Variants in MAK observed in about 807,000 individuals in gnomAD.
MAK encodes serine/threonine-protein kinase MAK.
In MAK, 65 loss-of-function variants were observed where a neutral mutation model predicts 82.6. That is an observed-to-expected ratio of 0.79 (90% CI 0.64 to 0.97). The LOEUF is 0.97. Among genes scored for constraint, MAK ranks in the 50% least tolerant of loss-of-function variants. MAK has a pLI of 0.00. For missense variants in MAK, 703 were observed against 780.2 expected, an observed-to-expected ratio of 0.90 and a Z score of 1.18; for synonymous variants, 250 against 274.2, an observed-to-expected ratio of 0.91 and a Z score of 0.87.
At chr6:10,821,318 C>T (rs1214374985) in intron 2 of MAK, among the ~76,000 whole-genome samples, 2 of 151,948 alleles carry the variant, frequency 1.3e-5, no homozygotes, top group African/African-American at 4.8e-5. Flanking sequence ...CTCTGTCACC[C>T]AGGCTGGACT....
At chr6:10,828,964 T>A (rs1328812533) in intron 2 of MAK, 3 of 152,166 alleles carry the variant, frequency 2.0e-5, no homozygotes. Context: ...AGGAAATAAA[T>A]CTCTGTTGTT....
chr6:10,780,277 G>A, intron 11 of MAK: 1 of 981,794 alleles, frequency 1.0e-6, no homozygotes, highest in Non-Finnish European at 1.2e-6. Context: ...AGTTAAAAAG[G>A]AAATGATCAA....
At chr6:10,836,126 T>C (rs1344225511) in intron 1 of MAK, among the ~76,000 whole-genome samples, 1 of 152,002 alleles carries the variant, frequency 6.6e-6, no homozygotes, top group African/African-American at 2.4e-5. Flanking sequence ...TGTACTTATA[T>C]TGAGGGAAGA....
Position 10,791,737 on chromosome 6 carries a change from G to C in MAK, c.1254C>G (p.Ser418=). The change falls in exon 10 of 15, where the codon TCC becomes TCG. Residue 418 remains serine, a synonymous_variant. Coordinates refer to ENST00000354489, the MANE Select transcript of MAK (RefSeq NM_001242957.3). ...CACCCATGCTTGGCTTCTTGGAATG[G>C]GAGGCTCCGAAATCATAGTCCTCCA... ...EELEDYDFGA[S]HSKKPSMGVF... 6.2e-7 allele frequency: 1 copy of C among 1,613,968 alleles called. No homozygotes were observed. Among genetic ancestry groups the C allele is most frequent in the Non-Finnish European group, 8.5e-7 (1 of 1,179,968 alleles).
At chr6:10,827,060 G>A (rs1216424977) in intron 2 of MAK, among the ~76,000 whole-genome samples, 1 of 152,130 alleles carries the variant, frequency 6.6e-6, no homozygotes, top group East Asian at 1.9e-4. Flanking sequence ...GTGGTGAGCT[G>A]AGATCGCGCC....
chr6:10,783,543 A>G (rs139507028), intron 11 of MAK, among the ~76,000 whole-genome samples: 2 of 152,222 alleles, frequency 1.3e-5, no homozygotes, highest in Non-Finnish European at 1.5e-5. Flanking sequence ...CACAAGTCCT[A>G]TTGGTTCCAG....
intron 6 of MAK, among the ~76,000 whole-genome samples, chr6:10,805,772 T>C (rs1208858346): frequency 1.3e-5 from 2 of 152,330 alleles, no homozygotes; most frequent in South Asian, 4.1e-4. Flanking sequence ...TTTATTGATA[T>C]ATAATTCACA....
chr6:10,766,227 A>G (rs559590773), intron 14 of MAK, among the ~76,000 whole-genome samples: 15 of 152,298 alleles, frequency 9.8e-5, no homozygotes, highest in African/African-American at 3.6e-4. Context: ...TAGCTATCCC[A>G]TATTTACTGG....
At chr6:10,779,394 A>G (rs1313461913) in intron 11 of MAK, 56 of 985,190 alleles carry the variant, frequency 5.7e-5, no homozygotes, top group Non-Finnish European at 5.3e-5. Flanking sequence ...CCAAGTACAC[A>G]GCCGGTTAGT....
chr6:10,816,014 A>G (rs1286949579), intron 4 of MAK, among the ~76,000 whole-genome samples: 1 of 148,286 alleles, frequency 6.7e-6, no homozygotes, highest in South Asian at 2.1e-4. Flanking sequence ...CAGTGGTGCA[A>G]TCTTGGCTCA....
At chr6:10,778,515 A>G (rs1773657472) in intron 11 of MAK, among the ~76,000 whole-genome samples, 1 of 152,178 alleles carries the variant, frequency 6.6e-6, no homozygotes, top group African/African-American at 2.4e-5. Flanking sequence ...TAGCGTTCCA[A>G]TAATGGAACA....
intron 14 of MAK, among the ~76,000 whole-genome samples, chr6:10,768,485 G>A (rs1772677416): frequency 6.6e-6 from 1 of 152,196 alleles, no homozygotes; most frequent in Non-Finnish European, 1.5e-5. Flanking sequence ...GGAGGCTGAG[G>A]CAGGAGAATC....
chr6:10,797,873 G>T, intron 8 of MAK: 1 of 1,283,886 alleles, frequency 7.8e-7, no homozygotes, highest in Non-Finnish European at 1.0e-6. Context: ...AAAAAGCAGG[G>T]CTGTGAAACA....
rs945511727 is a variant in MAK, at chr6:10,793,383, T to C, written c.1144-1536A>G. Among the ~76,000 whole-genome samples, 1 of 152,178 alleles carries C rather than the reference T, an allele frequency of 6.6e-6. No homozygotes were observed. Among genetic ancestry groups the C allele is most frequent in the Non-Finnish European group, 1.5e-5 (1 of 68,036 alleles). On this transcript the variant is annotated intron_variant, in intron 9 of 14. Transcript: ENST00000354489. The surrounding 1 kb of genome is among the most constrained non-coding windows in gnomAD (Gnocchi z 4.6). Reference sequence around the variant, plus strand: ...GCCCAAGATCTCACGGTCGTTCTATTCATCATGAAGATTCAGGAGCAAAAC... The same window carrying C: ...GCCCAAGATCTCACGGTCGTTCTATCCATCATGAAGATTCAGGAGCAAAAC...
chr6:10,789,727 G>A (rs139964334), intron 10 of MAK, among the ~76,000 whole-genome samples: 68 of 152,174 alleles, frequency 4.5e-4, no homozygotes, highest in African/African-American at 1.3e-3. Flanking sequence ...GCACAATCTC[G>A]GCTCACCACA....
At chr6:10,780,796 ATC>A (rs925575253) in intron 11 of MAK, among the ~76,000 whole-genome samples, 3 of 152,204 alleles carry the variant, frequency 2.0e-5, no homozygotes, top group Admixed American at 6.5e-5. Flanking sequence ...AGTGAAAACT[ATC>A]TCTCATGAAC....
intron 2 of MAK, among the ~76,000 whole-genome samples, chr6:10,828,031 TTCA>T (rs1778511869): frequency 6.6e-6 from 1 of 152,182 alleles, no homozygotes; most frequent in South Asian, 2.1e-4. Context: ...TTTTTTTTAG[TTCA>T]TCAAATCACA....
chr6:10,834,801 A>ATTG (rs1288861131), intron 1 of MAK, among the ~76,000 whole-genome samples: 1 of 151,986 alleles, frequency 6.6e-6, no homozygotes, highest in Non-Finnish European at 1.5e-5. Flanking sequence ...TATTATTATT[A>ATTG]TTGTTTGAGA....
At position 10,803,830 on chromosome 6, in the gene MAK, C is replaced by T. The variant is rs527236080; in HGVS notation, c.553G>A (p.Ala185Thr). The change falls in exon 7 of 15, where the codon GCT becomes ACT. Residue 185 changes from alanine (A) to threonine (T), a missense_variant. Transcript: ENST00000354489. ...SVYSSPIDVW[A>T]VGSIMAELYM... The stretch of plus-strand genomic sequence containing the variant: ...AGTTCAGCCATGATACTTCCAACAG[C>T]CCACACATCAATGGGAGAACTATAA... The T allele has an allele frequency of 6.2e-6, 10 of 1,613,990 alleles. No homozygotes were observed. The East Asian group carries it at 2.0e-4, about 32-fold the overall frequency.
Sources: gnomAD v4.1 joint callset for allele counts (sites outside exome capture counted in the v4.1 genomes callset) on GRCh38, gnomAD v4.1.1 for gene constraint, Gnocchi (gnomAD v3.1) non-coding constraint, MANE v1.5 for transcripts, NCBI Gene and HGNC (gene_info 2026-07-23, HGNC 2026-07-21) for gene names.